Variants in MARCHF1 observed in about 807,000 individuals in gnomAD.
MARCHF1 encodes the protein E3 ubiquitin-protein ligase MARCHF1.
MARCHF1 carries 40 observed loss-of-function variants against 54.2 expected under a neutral mutation model. The observed-to-expected ratio is 0.74, with a 90% confidence interval of 0.57 to 0.96. The LOEUF (loss-of-function observed/expected upper bound fraction) is 0.96, where lower values mean the gene tolerates loss of function less well. Ranked by LOEUF, MARCHF1 falls within the 40% of genes least tolerant of loss-of-function variation. The pLI is 0.00. For missense variants in MARCHF1, 586 were observed against 656.5 expected (o/e 0.89, Z 1.17); for synonymous variants, 236 against 236.3 (o/e 1.00, Z 0.01).
intron 3 of MARCHF1, among the ~76,000 whole-genome samples, chr4:163,902,368 G>A (rs2111309748): frequency 6.6e-6 from 1 of 152,266 alleles, no homozygotes; most frequent in South Asian, 2.1e-4. Context: ...TGATCACACA[G>A]ACCAAGAGAA....
At chr4:163,919,074 T>C (rs1038472242) in intron 3 of MARCHF1, among the ~76,000 whole-genome samples, 2 of 152,164 alleles carry the variant, frequency 1.3e-5, no homozygotes, top group African/African-American at 4.8e-5. Context: ...TATGAAACTA[T>C]ATTGACATAC....
chr4:164,165,049 G>T lies in MARCHF1; in HGVS notation c.-322-53387C>A, dbSNP rs187398415. On this transcript the variant is annotated intron_variant, in intron 1 of 9. Coordinates refer to ENST00000514618, the MANE Select transcript of MARCHF1 (RefSeq NM_001394959.1). ...AGGCAGAAAATTACCTACAGAAGGG[G>T]ATCAGATACCCATAAGTTTAAAGAG... Among the ~76,000 whole-genome samples, 16 of 152,070 alleles carry T rather than the reference G, an allele frequency of 1.1e-4. No individual in the cohort carries two copies. The East Asian group carries it at 3.1e-3, about 29-fold the overall frequency.
At chr4:164,348,736 G>A (rs564708037) in intron 1 of MARCHF1, among the ~76,000 whole-genome samples, 4 of 152,200 alleles carry the variant, frequency 2.6e-5, no homozygotes, top group African/African-American at 7.2e-5. Flanking sequence ...CACTATTCTC[G>A]CCTAGAAACA....
At chr4:164,325,235 G>A (rs1481866051) in intron 1 of MARCHF1, among the ~76,000 whole-genome samples, 20 of 151,212 alleles carry the variant, frequency 1.3e-4, no homozygotes, top group Admixed American at 1.3e-3. Context: ...GAGAACACAT[G>A]ACTCTAAAGA....
intron 2 of MARCHF1, among the ~76,000 whole-genome samples, chr4:164,109,260 T>TC (rs1755777457): frequency 1.3e-5 from 2 of 151,952 alleles, no homozygotes; most frequent in Non-Finnish European, 2.9e-5. Flanking sequence ...AGCACTTTCA[T>TC]CCCCCAGACA....
chr4:163,602,739 T>C (rs761194274), intron 7 of MARCHF1, among the ~76,000 whole-genome samples: 1 of 152,142 alleles, frequency 6.6e-6, no homozygotes, highest in Admixed American at 6.6e-5. Flanking sequence ...CACCTGAATA[T>C]TGAAGACTGA....
chr4:164,185,373 A>G (rs1181490511), intron 1 of MARCHF1, among the ~76,000 whole-genome samples: 1 of 152,228 alleles, frequency 6.6e-6, no homozygotes, highest in Non-Finnish European at 1.5e-5. Context: ...TGCCATCACT[A>G]TATCCAATAA....
intron 8 of MARCHF1, among the ~76,000 whole-genome samples, chr4:163,547,679 T>C (rs1460779832): frequency 6.6e-6 from 1 of 152,234 alleles, no homozygotes; most frequent in African/African-American, 2.4e-5. Context: ...AAATAGATAC[T>C]TCCTAGCTTC....
At position 163,607,444 on chromosome 4, in the gene MARCHF1, C is replaced by T. The variant is rs540237091; in HGVS notation, c.1010+4827G>A. Among the ~76,000 whole-genome samples, 5 of 152,136 alleles carry T rather than the reference C, an allele frequency of 3.3e-5. No homozygotes were observed. The South Asian group carries it at 1.0e-3, about 32-fold the overall frequency. On this transcript the variant is annotated intron_variant, in intron 7 of 9. Coordinates refer to ENST00000514618, the MANE Select transcript of MARCHF1 (RefSeq NM_001394959.1). ...ATGGAAAATCCAGGAAATTAGTGGA[C>T]TCACTGATAGAAATGGAAGTAGTTG...
At chr4:164,238,249 T>C (rs1226081029) in intron 1 of MARCHF1, among the ~76,000 whole-genome samples, 1 of 152,076 alleles carries the variant, frequency 6.6e-6, no homozygotes, top group African/African-American at 2.4e-5. Flanking sequence ...ACCTGGGCAC[T>C]TGGGAACCCA....
At position 163,914,755 on chromosome 4, in the gene MARCHF1, G is replaced by A. The variant is rs569189478; in HGVS notation, c.-38-60586C>T. On this transcript the variant is annotated intron_variant, in intron 3 of 9. Coordinates refer to ENST00000514618, the MANE Select transcript of MARCHF1 (RefSeq NM_001394959.1). ...AATGATAAGTGTCTAAAGCTCACGTGAAAAACAAGTAGCTATCCAGTTCTG... is the reference window on the plus strand; with the variant it reads ...AATGATAAGTGTCTAAAGCTCACGTAAAAAACAAGTAGCTATCCAGTTCTG... Among the ~76,000 whole-genome samples the A allele has an allele frequency of 5.3e-5, 8 of 152,198 alleles. 1 individual carries two copies. In the East Asian group the frequency reaches 1.5e-3, roughly 29 times the overall value.
chr4:163,585,981 C>G, intron 7 of MARCHF1, 52 bp from the exon 8 acceptor site: 1 of 1,504,732 alleles, frequency 6.6e-7, no homozygotes, highest in Non-Finnish European at 9.0e-7. Flanking sequence ...ACATTTCTCG[C>G]CTGTGTTATT....
At chr4:163,974,955 A>G (rs1752619597) in intron 3 of MARCHF1, among the ~76,000 whole-genome samples, 1 of 152,288 alleles carries the variant, frequency 6.6e-6, no homozygotes, top group East Asian at 1.9e-4. Context: ...ATAAAAGGCT[A>G]AGCAAGAATT....
At chr4:164,014,998 T>C (rs917297135) in intron 2 of MARCHF1, among the ~76,000 whole-genome samples, 1 of 152,164 alleles carries the variant, frequency 6.6e-6, no homozygotes, top group African/African-American at 2.4e-5. Context: ...CAAAGAGACA[T>C]CAGACTTAAG....
intron 9 of MARCHF1, among the ~76,000 whole-genome samples, chr4:163,535,358 C>CCAT (rs1265921298): frequency 1.3e-5 from 2 of 152,048 alleles, no homozygotes; most frequent in African/African-American, 4.8e-5. Flanking sequence ...CCTTTAAAGA[C>CCAT]CATCTATTTC....
intron 2 of MARCHF1, among the ~76,000 whole-genome samples, chr4:164,075,347 G>A (rs1754954233): frequency 6.6e-6 from 1 of 152,168 alleles, no homozygotes; most frequent in Non-Finnish European, 1.5e-5. Flanking sequence ...AGGCCAATGG[G>A]ATATTAGCAA....
intron 1 of MARCHF1, among the ~76,000 whole-genome samples, chr4:164,160,966 A>T (rs1730217338): frequency 6.6e-6 from 1 of 152,198 alleles, no homozygotes. Flanking sequence ...AAATCTAAGA[A>T]TAACATGATA....
chr4:163,968,436 C>A (rs1376326948), intron 3 of MARCHF1, among the ~76,000 whole-genome samples: 1 of 152,116 alleles, frequency 6.6e-6, no homozygotes, highest in East Asian at 1.9e-4. Flanking sequence ...CTACTTGTTG[C>A]AAAGACATAA....
At position 164,305,206 on chromosome 4, in the gene MARCHF1, C is replaced by A. The variant is rs188539764; in HGVS notation, c.-323+78664G>T. 5.9e-5 allele frequency among the ~76,000 whole-genome samples: 9 copies of A among 152,174 alleles called. 1 individual carries two copies. In the East Asian group the frequency reaches 1.7e-3, roughly 29 times the overall value. On this transcript the variant is annotated intron_variant, in intron 1 of 9. Transcript: ENST00000514618. ...ATCCCCACCCTATAATGCATTGCAT[C>A]CTAGTTGTAAAGACAAATACTAACC...
Sources: allele counts gnomAD v4.1 joint callset (sites outside exome capture counted in the v4.1 genomes callset), GRCh38; gene constraint gnomAD v4.1.1; transcripts MANE v1.5; gene names NCBI Gene and HGNC (gene_info 2026-07-23, HGNC 2026-07-21).